CDH23: variants seen among roughly 807,000 people sequenced by gnomAD.
The protein encoded by CDH23 is cadherin related 23.
In CDH23, 189 loss-of-function variants were observed where a neutral mutation model predicts 317.1. That is an observed-to-expected ratio of 0.60 (90% CI 0.53 to 0.67). The LOEUF (loss-of-function observed/expected upper bound fraction) is 0.67. Among genes scored for constraint, CDH23 ranks in the 30% least tolerant of loss-of-function variants. The probability of loss-of-function intolerance (pLI) is 0.00; values close to 1 mark genes in which losing one functional copy is unlikely to be tolerated. For missense variants in CDH23, 4,401 were observed against 4,592.4 expected, an observed-to-expected ratio of 0.96 and a Z score of 1.20; for synonymous variants, 1,839 against 1,876.8, an observed-to-expected ratio of 0.98 and a Z score of 0.52.
At chr10:71,681,708 G>A (rs903544983) in intron 17 of CDH23, among the ~76,000 whole-genome samples, 2 of 152,202 alleles carry the variant, frequency 1.3e-5, no homozygotes, top group Non-Finnish European at 2.9e-5. Flanking sequence ...AGGCCGAGGC[G>A]GGAGGATTGC....
At chr10:71,703,415 C>A (rs1253930133) in intron 24 of CDH23, among the ~76,000 whole-genome samples, 1 of 152,190 alleles carries the variant, frequency 6.6e-6, no homozygotes, top group Non-Finnish European at 1.5e-5. Context: ...ACTGCTTAAC[C>A]TCTCTGAGTC....
In CDH23 at chr10:71,777,678, A is replaced by C. The variant is rs1840847316; in HGVS notation, c.4846-2A>C. 6.2e-7 allele frequency: 1 copy of C among 1,607,300 alleles called. No homozygotes were observed. The highest frequency in any genetic ancestry group is 1.1e-5 in the South Asian group (1 of 89,706). On this transcript the variant is annotated splice_acceptor_variant, in intron 38 of 69. Transcript: ENST00000224721. LOFTEE classifies it high-confidence loss of function. ...AAGGACGTGACCCACTCTTTTCCAC[A>C]GGCCACCACGCACGTGTACGTGACC... is the stretch of plus-strand genomic sequence containing the variant.
rs781729289 is a variant in CDH23, at chr10:71,615,623, C to G, written c.945+7C>G. On this transcript the variant is annotated splice_region_variant and intron_variant, in intron 10 of 69. Transcript: ENST00000224721. Reference sequence around the variant, plus strand: ...CTTCATCCTGACTGTGAAGGTGAGACCTGGGTGGGCACCTTCACCCCAGGT... The same window carrying G: ...CTTCATCCTGACTGTGAAGGTGAGAGCTGGGTGGGCACCTTCACCCCAGGT... 13 of 1,600,034 alleles carry G rather than the reference C, an allele frequency of 8.1e-6. No homozygotes were observed. Among genetic ancestry groups the G allele is most frequent in the Admixed American group, 3.3e-5 (2 of 59,958 alleles).
intron 6 of CDH23, among the ~76,000 whole-genome samples, chr10:71,547,901 C>T (rs1856371818): frequency 2.6e-5 from 4 of 152,212 alleles, no homozygotes; most frequent in Non-Finnish European, 5.9e-5. Context: ...GTCTCAACTG[C>T]TGTGGCCAGG....
intron 38 of CDH23, chr10:71,755,362 G>A (rs756393857): frequency 3.0e-5 from 49 of 1,607,542 alleles, no homozygotes; most frequent in Admixed American, 1.8e-4. Context: ...TACTCACGGC[G>A]GTTGGAGGCT....
Position 71,620,946 on chromosome 10 carries a change from C to T in CDH23, c.1134+3553C>T, listed in dbSNP as rs554966827. Among the ~76,000 whole-genome samples, 6 of 152,272 alleles carry T rather than the reference C, an allele frequency of 3.9e-5. 1 individual carries two copies. Among genetic ancestry groups the T allele is most frequent in the South Asian group, 2.1e-4 (1 of 4,824 alleles). The stretch of plus-strand genomic sequence containing the variant: ...TTCTCTGGAGGAATCCGGAGCTGGC[C>T]GGGTGAATGCATCAGAGGACCAGTC... On this transcript the variant is annotated intron_variant, in intron 11 of 69. Transcript: ENST00000224721.
intron 41 of CDH23, among the ~76,000 whole-genome samples, chr10:71,783,915 T>C (rs1399389257): frequency 2.0e-5 from 3 of 152,198 alleles, no homozygotes; most frequent in Admixed American, 1.3e-4. Flanking sequence ...ATGCCTTCAT[T>C]GATCAAGAGT....
chr10:71,670,654 C>G (rs115043367), intron 14 of CDH23, among the ~76,000 whole-genome samples: 2,180 of 152,218 alleles, frequency 0.014, 64 homozygotes, highest in African/African-American at 0.051. Flanking sequence ...GAGGTAGATA[C>G]GAGAACACTA....
rs760840144 is a variant in CDH23, at chr10:71,806,020, G to GGGGC, written c.8064+27_8064+30dup. The GGGGC allele has an allele frequency of 2.3e-4, 363 of 1,583,902 alleles. 1 individual carries two copies. Among genetic ancestry groups the GGGGC allele is most frequent in the Middle Eastern group, 5.7e-4 (3 of 5,276 alleles). On this transcript the variant is annotated intron_variant, in intron 56 of 69. Coordinates refer to ENST00000224721, the MANE Select transcript of CDH23 (RefSeq NM_022124.6). ...AGCGTAAGGGCGGGGCCCGGTGCGA[G>GGGGC]GGGCGGGGTCTGGGGCGGGGCTTTC...
chr10:71,734,880 C>G (rs1294986250), intron 34 of CDH23, among the ~76,000 whole-genome samples: 2 of 152,208 alleles, frequency 1.3e-5, no homozygotes, highest in Non-Finnish European at 2.9e-5. Context: ...TGCCTAGCCC[C>G]GGTAGGGTCT....
intron 6 of CDH23, among the ~76,000 whole-genome samples, chr10:71,543,156 G>A (rs1025274091): frequency 2.6e-5 from 4 of 152,244 alleles, no homozygotes; most frequent in South Asian, 2.1e-4. Flanking sequence ...ACCAAGGCCC[G>A]GAGAGCTGAG....
chr10:71,545,903 C>T (rs913243412), intron 6 of CDH23, among the ~76,000 whole-genome samples: 1 of 152,132 alleles, frequency 6.6e-6, no homozygotes, highest in South Asian at 2.1e-4. Context: ...CCCCCACCCC[C>T]CAGGGAGTGA....
chr10:71,808,636 C>A (rs1455919391), intron 60 of CDH23, among the ~76,000 whole-genome samples: 1 of 152,200 alleles, frequency 6.6e-6, no homozygotes, highest in African/African-American at 2.4e-5. Flanking sequence ...GTCCCATTAC[C>A]TTACTCCCAG....
chr10:71,646,927 A>G, intron 14 of CDH23: 4 of 1,409,492 alleles, frequency 2.8e-6, no homozygotes, highest in Non-Finnish European at 3.7e-6. Flanking sequence ...AGCCCCCTCA[A>G]ATGGGTGGGA....
At chr10:71,461,247 G>A (rs1850967906) in intron 3 of CDH23, among the ~76,000 whole-genome samples, 1 of 152,190 alleles carries the variant, frequency 6.6e-6, no homozygotes, top group Non-Finnish European at 1.5e-5. Flanking sequence ...GCCTTGTTAG[G>A]TGGGATGGCC....
At chr10:71,678,951 A>G (rs1194300782) in intron 16 of CDH23, among the ~76,000 whole-genome samples, 1 of 152,002 alleles carries the variant, frequency 6.6e-6, no homozygotes, top group Non-Finnish European at 1.5e-5. Flanking sequence ...ATAAGAAATT[A>G]CCACTGGGTG....
At chr10:71,565,216 G>A (rs1857333069) in intron 6 of CDH23, among the ~76,000 whole-genome samples, 1 of 152,152 alleles carries the variant, frequency 6.6e-6, no homozygotes, top group Non-Finnish European at 1.5e-5. Flanking sequence ...GGGAGGGGTG[G>A]TGGAAATAAG....
chr10:71,669,835 A>C (rs1864068471), intron 14 of CDH23, among the ~76,000 whole-genome samples: 1 of 152,014 alleles, frequency 6.6e-6, no homozygotes, highest in African/African-American at 2.4e-5. Flanking sequence ...ACATTGGAAA[A>C]GCTCAAAAAA....
At chr10:71,726,323 T>C (rs1414258895) in intron 30 of CDH23, among the ~76,000 whole-genome samples, 2 of 151,850 alleles carry the variant, frequency 1.3e-5, no homozygotes, top group African/African-American at 4.8e-5. Context: ...CAGAACTGAG[T>C]GCCCGGCTCC....
Sources: gnomAD v4.1 joint callset for allele counts (sites outside exome capture counted in the v4.1 genomes callset) on GRCh38, gnomAD v4.1.1 for gene constraint, MANE v1.5 for transcripts, NCBI Gene and HGNC (gene_info 2026-07-23, HGNC 2026-07-21) for gene names.